CSMD1: variants seen among roughly 807,000 people sequenced by gnomAD.
The protein encoded by CSMD1 is CUB and sushi domain-containing protein 1.
In CSMD1, 213 loss-of-function variants were observed where a neutral mutation model predicts 417.5. That is an observed-to-expected ratio of 0.51 (90% CI 0.46 to 0.57). CSMD1 has a LOEUF of 0.57. Among genes scored for constraint, CSMD1 ranks in the 20% least tolerant of loss-of-function variants. The probability of loss-of-function intolerance (pLI) is 0.00; values close to 1 mark genes in which losing one functional copy is unlikely to be tolerated. For synonymous variants in CSMD1, 2,862 were observed against 1,736.8 expected (o/e 1.65, Z -16.11); for missense variants, 6,923 against 4,529.7 (o/e 1.53, Z -15.17).
At chr8:3,630,075 T>A (rs543137680) in intron 7 of CSMD1, among the ~76,000 whole-genome samples, 2 of 152,172 alleles carry the variant, frequency 1.3e-5, no homozygotes, top group Non-Finnish European at 2.9e-5. Flanking sequence ...AAAATCCCCA[T>A]GGAAATAACA....
At chr8:4,468,429 T>A (rs1800321662) in intron 2 of CSMD1, among the ~76,000 whole-genome samples, 1 of 152,228 alleles carries the variant, frequency 6.6e-6, no homozygotes, top group African/African-American at 2.4e-5. Context: ...CCTACTTTGA[T>A]GAGACTCAGG....
chr8:3,300,012 G>T (rs555588661), intron 25 of CSMD1, among the ~76,000 whole-genome samples: 4 of 152,106 alleles, frequency 2.6e-5, no homozygotes, highest in Non-Finnish European at 4.4e-5. Context: ...GGTGACACAC[G>T]GGGAGGATGG....
chr8:3,974,321 CCCT>C (rs1563272236), intron 5 of CSMD1, among the ~76,000 whole-genome samples: 2,895 of 150,442 alleles, frequency 0.019, 95 homozygotes, highest in African/African-American at 0.067. Flanking sequence ...TTCCTTTTGC[CCCT>C]TAAGCACTGT....
At chr8:4,725,110 C>G (rs576669746) in intron 1 of CSMD1, among the ~76,000 whole-genome samples, 1 of 151,952 alleles carries the variant, frequency 6.6e-6, no homozygotes, top group Non-Finnish European at 1.5e-5. Context: ...TAAATGTATC[C>G]TGAAAGGTAT....
chr8:4,196,774 T>G (rs1799364195), intron 3 of CSMD1, among the ~76,000 whole-genome samples: 1 of 152,174 alleles, frequency 6.6e-6, no homozygotes, highest in African/African-American at 2.4e-5. Flanking sequence ...TAAACCCCTT[T>G]TTCCCATAAA....
intron 3 of CSMD1, among the ~76,000 whole-genome samples, chr8:4,052,489 G>A (rs73658560): frequency 0.038 from 5,800 of 152,244 alleles, 353 homozygotes; most frequent in African/African-American, 0.12. Flanking sequence ...CCCAGGGTCA[G>A]AGTGCAGTGG....
At chr8:3,656,487 A>G (rs1469240347) in intron 7 of CSMD1, among the ~76,000 whole-genome samples, 1 of 152,196 alleles carries the variant, frequency 6.6e-6, no homozygotes, top group African/African-American at 2.4e-5. Flanking sequence ...CATCTGAAGC[A>G]TTCATTATGC....
chr8:3,266,539 G>T (rs1004616505), intron 26 of CSMD1, among the ~76,000 whole-genome samples: 8 of 146,748 alleles, frequency 5.5e-5, no homozygotes, highest in Non-Finnish European at 1.0e-4. Flanking sequence ...CCAGGAGGCA[G>T]AGGTTGCAGT....
intron 2 of CSMD1, among the ~76,000 whole-genome samples, chr8:4,635,520 G>T (rs552517198): frequency 1.3e-5 from 2 of 152,080 alleles, no homozygotes; most frequent in South Asian, 2.1e-4. Context: ...TTGAGAGAAA[G>T]AAAATGGAAA....
chr8:3,499,313 A>T (rs946888504), intron 10 of CSMD1, among the ~76,000 whole-genome samples: 6 of 151,970 alleles, frequency 3.9e-5, no homozygotes, highest in Non-Finnish European at 7.4e-5. Context: ...GTGTTTGTGG[A>T]AGTGTTGGTT....
At chr8:4,202,646 A>G (rs1799728418) in intron 3 of CSMD1, among the ~76,000 whole-genome samples, 1 of 152,206 alleles carries the variant, frequency 6.6e-6, no homozygotes, top group African/African-American at 2.4e-5. Flanking sequence ...CCTCTCGAAT[A>G]CAACCAACCC....
intron 52 of CSMD1, among the ~76,000 whole-genome samples, chr8:3,015,499 A>G (rs747384589): frequency 2.4e-4 from 36 of 151,978 alleles, no homozygotes; most frequent in Non-Finnish European, 4.0e-4. Context: ...GAATATATAT[A>G]TATATTTTGA....
At chr8:3,111,363 A>G (rs934355172) in intron 42 of CSMD1, among the ~76,000 whole-genome samples, 3 of 114,634 alleles carry the variant, frequency 2.6e-5, no homozygotes, top group African/African-American at 7.6e-5. Flanking sequence ...AGAAGAAGGG[A>G]CTGTATGTAG....
At chr8:3,071,829 G>C (rs960710610) in intron 49 of CSMD1, among the ~76,000 whole-genome samples, 1 of 151,972 alleles carries the variant, frequency 6.6e-6, no homozygotes, top group African/African-American at 2.4e-5. Flanking sequence ...TTATAATTTG[G>C]TCACCAAACC....
intron 3 of CSMD1, among the ~76,000 whole-genome samples, chr8:4,093,879 G>C (rs913906250): frequency 6.6e-6 from 1 of 152,092 alleles, no homozygotes; most frequent in Non-Finnish European, 1.5e-5. Context: ...AGAATCACTT[G>C]AACGCAGGAG....
intron 12 of CSMD1, among the ~76,000 whole-genome samples, chr8:3,435,054 C>T (rs1044181297): frequency 1.3e-5 from 2 of 151,922 alleles, no homozygotes; most frequent in African/African-American, 2.4e-5. Flanking sequence ...AGGACAGAAG[C>T]CCCTGGTGGG....
At chr8:3,671,710 G>A (rs1247052724) in intron 7 of CSMD1, among the ~76,000 whole-genome samples, 2 of 151,340 alleles carry the variant, frequency 1.3e-5, no homozygotes, top group Non-Finnish European at 2.9e-5. Context: ...CATCTTATTC[G>A]TGTTGCATGC....
intron 3 of CSMD1, among the ~76,000 whole-genome samples, chr8:4,179,121 T>G (rs1383263204): frequency 1.3e-5 from 2 of 152,088 alleles, no homozygotes; most frequent in South Asian, 2.1e-4. Flanking sequence ...CATCGCCAAG[T>G]CAATCCTAAG....
At chr8:4,135,899 T>A (rs1803400649) in intron 3 of CSMD1, among the ~76,000 whole-genome samples, 1 of 152,196 alleles carries the variant, frequency 6.6e-6, no homozygotes. Context: ...TGATTTGGGA[T>A]GTTTTATTTA....
Sources: allele counts gnomAD v4.1 joint callset (sites outside exome capture counted in the v4.1 genomes callset), GRCh38; gene constraint gnomAD v4.1.1; transcripts MANE v1.5; gene names NCBI Gene and HGNC (gene_info 2026-07-23, HGNC 2026-07-21).